Variants in PLXDC2 observed in about 807,000 individuals in gnomAD.
PLXDC2 encodes plexin domain-containing protein 2.
A neutral mutation model predicts 68.9 loss-of-function variants in PLXDC2; 40 were observed. The ratio of observed to expected loss-of-function variants is 0.58; its 90% CI spans 0.45 to 0.76. The LOEUF is 0.76. Ranked by LOEUF, PLXDC2 falls within the 30% of genes least tolerant of loss-of-function variation. The pLI is 0.00. For missense variants in PLXDC2, 644 were observed against 661.9 expected (o/e 0.97, Z 0.30); for synonymous variants, 243 against 234.2 (o/e 1.04, Z -0.34).
At chr10:20,104,475 G>T (rs899074302) in intron 4 of PLXDC2, among the ~76,000 whole-genome samples, 1 of 152,088 alleles carries the variant, frequency 6.6e-6, no homozygotes, top group Non-Finnish European at 1.5e-5. Context: ...GTGTATGACA[G>T]CATTCTGTAA....
At chr10:20,004,460 G>A (rs1474945565) in intron 2 of PLXDC2, among the ~76,000 whole-genome samples, 1 of 152,116 alleles carries the variant, frequency 6.6e-6, no homozygotes, top group East Asian at 1.9e-4. Flanking sequence ...CTTTAGCTGG[G>A]GTGCAGCATC....
At chr10:20,011,451 AGT>A (rs1344177265) in intron 2 of PLXDC2, among the ~76,000 whole-genome samples, 2 of 152,198 alleles carry the variant, frequency 1.3e-5, no homozygotes, top group African/African-American at 4.8e-5. Flanking sequence ...AGTTTAGCAA[AGT>A]GTGAAAAACG....
At chr10:19,877,334 A>G (rs1279706153) in intron 1 of PLXDC2, among the ~76,000 whole-genome samples, 1 of 152,130 alleles carries the variant, frequency 6.6e-6, no homozygotes, top group Non-Finnish European at 1.5e-5. Flanking sequence ...TATTTCTATT[A>G]GTTTGTATTC....
chr10:19,855,843 T>TG (rs1388239551), intron 1 of PLXDC2, among the ~76,000 whole-genome samples: 5 of 152,200 alleles, frequency 3.3e-5, no homozygotes, highest in Non-Finnish European at 7.3e-5. Context: ...CCCAGCACTT[T>TG]GGGAGGCCAA....
intron 1 of PLXDC2, among the ~76,000 whole-genome samples, chr10:19,965,586 G>C: frequency 6.6e-6 from 1 of 152,024 alleles, no homozygotes; most frequent in African/African-American, 2.4e-5. Context: ...TCTGCTTCTG[G>C]AATAATAAAG....
intron 1 of PLXDC2, among the ~76,000 whole-genome samples, chr10:19,917,016 A>G (rs919752524): frequency 7.2e-5 from 11 of 152,202 alleles, no homozygotes; most frequent in Non-Finnish European, 1.6e-4. Context: ...CATTCTTTAT[A>G]AAAGGCTCAC....
chr10:20,245,135 A>T (rs1835571779), intron 12 of PLXDC2, among the ~76,000 whole-genome samples: 1 of 152,214 alleles, frequency 6.6e-6, no homozygotes, highest in South Asian at 2.1e-4. Context: ...AATAAAACAC[A>T]GTGATAAATG....
chr10:19,864,265 CA>C (rs1837374289), intron 1 of PLXDC2, among the ~76,000 whole-genome samples: 1 of 152,128 alleles, frequency 6.6e-6, no homozygotes, highest in Non-Finnish European at 1.5e-5. Flanking sequence ...CTTGGCCTCC[CA>C]AAGAGCTGGG....
intron 2 of PLXDC2, among the ~76,000 whole-genome samples, chr10:20,042,474 G>A (rs1260569056): frequency 6.6e-6 from 1 of 152,110 alleles, no homozygotes; most frequent in Non-Finnish European, 1.5e-5. Flanking sequence ...TCTTCAAGTG[G>A]TGGCCCATTG....
chr10:20,176,505 A>C (rs1017615043), intron 7 of PLXDC2, among the ~76,000 whole-genome samples: 4 of 152,120 alleles, frequency 2.6e-5, no homozygotes, highest in African/African-American at 9.7e-5. Flanking sequence ...AAATGGAAGA[A>C]TGATTTAACT....
chr10:20,151,230 C>T (rs1834148550), intron 6 of PLXDC2, among the ~76,000 whole-genome samples: 1 of 152,180 alleles, frequency 6.6e-6, no homozygotes, highest in South Asian at 2.1e-4. Context: ...GCTCCTGGCA[C>T]TGCTGGAAAA....
intron 4 of PLXDC2, among the ~76,000 whole-genome samples, chr10:20,107,573 C>T (rs973464263): frequency 1.3e-5 from 2 of 152,048 alleles, no homozygotes; most frequent in African/African-American, 4.8e-5. Flanking sequence ...GAGACATTGT[C>T]CTAAGAGTAG....
chr10:19,914,087 AAAG>A (rs1248392816), intron 1 of PLXDC2, among the ~76,000 whole-genome samples: 2 of 150,190 alleles, frequency 1.3e-5, no homozygotes, highest in African/African-American at 4.9e-5. Context: ...GGGAAGGAGG[AAAG>A]AAGGGAGGGA....
At chr10:19,928,803 G>A (rs1261219601) in intron 1 of PLXDC2, among the ~76,000 whole-genome samples, 1 of 142,162 alleles carries the variant, frequency 7.0e-6, no homozygotes, top group East Asian at 2.1e-4. Flanking sequence ...TGCTCAGGCT[G>A]GAGTACAGTG....
intron 4 of PLXDC2, among the ~76,000 whole-genome samples, chr10:20,100,893 A>C (rs1833413525): frequency 2.0e-5 from 3 of 152,022 alleles, no homozygotes; most frequent in African/African-American, 7.3e-5. Flanking sequence ...AAAATTAAAA[A>C]AAAAAATTAA....
chr10:20,177,453 AT>A, intron 9 of PLXDC2, 44 bp downstream of exon 9: 1 of 996,160 alleles, frequency 1.0e-6, no homozygotes, highest in Non-Finnish European at 1.3e-6. Flanking sequence ...TTAAAAAGAT[AT>A]TTTAAAAGAT....
rs1837572276 is a variant in PLXDC2, at chr10:19,873,153, C to G, written c.112+55962C>G. Among the ~76,000 whole-genome samples, 2 of 152,046 alleles carry G rather than the reference C, an allele frequency of 1.3e-5. 1 individual carries two copies. Among genetic ancestry groups the G allele is most frequent in the South Asian group, 4.1e-4 (2 of 4,822 alleles). On this transcript the variant is annotated intron_variant, in intron 1 of 13. Coordinates refer to ENST00000377252, the MANE Select transcript of PLXDC2 (RefSeq NM_032812.9). ...CGACCGATGTTTGTCCATGGAGTTC[C>G]CAGAGTGCTTTGTGGCAGAGATTTC...
intron 1 of PLXDC2, among the ~76,000 whole-genome samples, chr10:19,963,518 T>C (rs1834196263): frequency 6.6e-6 from 1 of 152,184 alleles, no homozygotes; most frequent in African/African-American, 2.4e-5. Flanking sequence ...TAAAAAATGA[T>C]GAATTCATGT....
chr10:19,969,265 C>T (rs1056012425), intron 1 of PLXDC2, among the ~76,000 whole-genome samples: 5 of 152,174 alleles, frequency 3.3e-5, no homozygotes, highest in African/African-American at 1.2e-4. Context: ...CCATAACCGA[C>T]CCTTAAGGGG....
Sources: allele counts gnomAD v4.1 joint callset (sites outside exome capture counted in the v4.1 genomes callset), GRCh38; gene constraint gnomAD v4.1.1; transcripts MANE v1.5; gene names NCBI Gene and HGNC (gene_info 2026-07-23, HGNC 2026-07-21).